The following ANXA8 variants were observed in gnomAD, a reference collection of about 807,000 sequenced individuals.
The protein encoded by ANXA8 is VAC-beta.
ANXA8 carries 9 observed loss-of-function variants against 26.8 expected under a neutral mutation model. The observed-to-expected ratio is 0.34, with a 90% confidence interval of 0.20 to 0.59. ANXA8 has a LOEUF of 0.59. Ranked by LOEUF, ANXA8 falls within the 20% of genes least tolerant of loss-of-function variation. The pLI is 0.84. For missense variants in ANXA8, 83 were observed against 238.5 expected, an observed-to-expected ratio of 0.35 and a Z score of 4.29; for synonymous variants, 39 against 94.8, an observed-to-expected ratio of 0.41 and a Z score of 3.42.
chr10:47,925,619 T>C, the ANXA8 span, among the ~76,000 whole-genome samples: 2,137 of 38,868 alleles, frequency 0.055, 933 homozygotes, highest in African/African-American at 0.36. Context: ...TCACCTGGAG[T>C]TTGTAGATAT....
At chr10:47,696,506 AG>A in the ANXA8 span, 1 of 1,278,510 alleles carries the variant, frequency 7.8e-7, no homozygotes, top group South Asian at 1.4e-5. Context: ...TTCAGCCTGA[AG>A]AATGTAAGGC....
the ANXA8 span, among the ~76,000 whole-genome samples, chr10:47,980,540 T>A: frequency 6.6e-6 from 1 of 151,724 alleles, no homozygotes; most frequent in South Asian, 2.1e-4. Flanking sequence ...AGAAAAAAGT[T>A]ATGTGCCCTA....
At chr10:47,705,711 A>G in the ANXA8 span, among the ~76,000 whole-genome samples, 1,010 of 151,224 alleles carry the variant, frequency 6.7e-3, 16 homozygotes, top group Non-Finnish European at 0.011. Context: ...ATTTTTTACA[A>G]GTTAGTAGCT....
chr10:47,510,087 G>A, the ANXA8 span: 5 of 1,460,668 alleles, frequency 3.4e-6, no homozygotes, highest in Non-Finnish European at 3.6e-6. Flanking sequence ...AATTTCTTAA[G>A]CTGATTGCTG....
the ANXA8 span, among the ~76,000 whole-genome samples, chr10:47,743,373 T>TATATATATATATAC: frequency 4.6e-5 from 1 of 21,822 alleles, no homozygotes; most frequent in African/African-American, 1.4e-4. Flanking sequence ...TATATATACA[T>TATATATATATATAC]ATATATGTGT....
chr10:47,580,085 AT>A, the ANXA8 span, among the ~76,000 whole-genome samples: 1 of 150,892 alleles, frequency 6.6e-6, no homozygotes, highest in Non-Finnish European at 1.5e-5. Context: ...CACCCAGCCA[AT>A]TTGTGTATTT....
At chr10:47,721,561 C>T in the ANXA8 span, among the ~76,000 whole-genome samples, 17 of 135,514 alleles carry the variant, frequency 1.3e-4, 2 homozygotes, top group Admixed American at 5.3e-4. Flanking sequence ...GACAGAGTTT[C>T]GCTCTTGTTG....
chr10:47,607,374 C>T, the ANXA8 span, among the ~76,000 whole-genome samples: 4 of 146,606 alleles, frequency 2.7e-5, no homozygotes, highest in Admixed American at 2.7e-4. Flanking sequence ...TGCACAGAAC[C>T]TGTGTTTAGG....
At chr10:47,630,334 T>C in the ANXA8 span, among the ~76,000 whole-genome samples, 2 of 149,884 alleles carry the variant, frequency 1.3e-5, no homozygotes, top group East Asian at 1.9e-4. Context: ...TGTTAAAGTT[T>C]TTCCATGTAG....
chr10:47,587,684 T>A, the ANXA8 span, among the ~76,000 whole-genome samples: 1 of 146,818 alleles, frequency 6.8e-6, no homozygotes, highest in East Asian at 1.9e-4. Flanking sequence ...ATACATGGGG[T>A]CAACAGTTAA....
chr10:47,673,851 A>G, the ANXA8 span, among the ~76,000 whole-genome samples: 3 of 149,518 alleles, frequency 2.0e-5, no homozygotes, highest in South Asian at 4.2e-4. Context: ...GTTATAATTA[A>G]TGAACTAATA....
chr10:47,744,353 C>T, the ANXA8 span, among the ~76,000 whole-genome samples: 11 of 143,726 alleles, frequency 7.7e-5, no homozygotes, highest in African/African-American at 2.3e-4. Context: ...CCCTGAGAAA[C>T]GGCACATCCT....
the ANXA8 span, among the ~76,000 whole-genome samples, chr10:47,665,631 C>A: frequency 6.7e-6 from 1 of 149,358 alleles, no homozygotes. Context: ...TTACACAATT[C>A]CTAATCTCAC....
the ANXA8 span, among the ~76,000 whole-genome samples, chr10:47,639,218 C>T: frequency 6.7e-6 from 1 of 148,548 alleles, no homozygotes; most frequent in Non-Finnish European, 1.5e-5. Flanking sequence ...CTGCAAGCTC[C>T]GCCTCCCGGG....
the ANXA8 span, among the ~76,000 whole-genome samples, chr10:47,617,737 T>C: frequency 6.7e-6 from 1 of 148,356 alleles, no homozygotes; most frequent in Non-Finnish European, 1.5e-5. Context: ...ATAACTTTGC[T>C]ACTGGTTTCT....
At chr10:47,738,783 C>T in the ANXA8 span, among the ~76,000 whole-genome samples, 3 of 152,006 alleles carry the variant, frequency 2.0e-5, no homozygotes, top group South Asian at 4.1e-4. Context: ...TGCCATGTTG[C>T]CCAGGCTGGT....
chr10:47,912,360 G>A, the ANXA8 span, among the ~76,000 whole-genome samples: 1 of 147,364 alleles, frequency 6.8e-6, no homozygotes, highest in South Asian at 2.2e-4. Flanking sequence ...TGGTCCCCCT[G>A]CATATACCCA....
upstream of ANXA8, among the ~76,000 whole-genome samples, chr10:47,486,493 A>G (rs1277450212): frequency 7.2e-6 from 1 of 138,528 alleles, no homozygotes; most frequent in Non-Finnish European, 1.6e-5. Flanking sequence ...AGCATGACAG[A>G]GAAGCATCTG....
At chr10:47,975,617 A>G in the ANXA8 span, among the ~76,000 whole-genome samples, 1 of 151,270 alleles carries the variant, frequency 6.6e-6, no homozygotes, top group African/African-American at 2.4e-5. Flanking sequence ...AAGCTGCAGT[A>G]TCTTCATCTG....
Sources: allele counts gnomAD v4.1 joint callset (sites outside exome capture counted in the v4.1 genomes callset), GRCh38; gene constraint gnomAD v4.1.1; transcripts MANE v1.5; gene names NCBI Gene and HGNC (gene_info 2026-07-23, HGNC 2026-07-21).